The following STK24 variants were observed in gnomAD, a reference collection of about 807,000 sequenced individuals.
The protein encoded by STK24 is serine/threonine-protein kinase 24.
STK24 carries 21 observed loss-of-function variants against 55.6 expected under a neutral mutation model. The observed-to-expected ratio is 0.38, with a 90% CI of 0.27 to 0.54. The LOEUF (loss-of-function observed/expected upper bound fraction) is 0.54. STK24 is among the 20% of genes least tolerant of loss of function. The pLI is 0.79. For missense variants in STK24, 383 were observed against 538.4 expected (o/e 0.71, Z 2.86); for synonymous variants, 200 against 215.2 (o/e 0.93, Z 0.62).
At chr13:98,472,263 C>A (rs372079974) in intron 5 of STK24, among the ~76,000 whole-genome samples, 4 of 152,348 alleles carry the variant, frequency 2.6e-5, no homozygotes. Flanking sequence ...TCACCACACG[C>A]CTCCCGGGTC....
At chr13:98,562,232 G>C (rs1160736142) in intron 1 of STK24, among the ~76,000 whole-genome samples, 8 of 152,208 alleles carry the variant, frequency 5.3e-5, no homozygotes, top group African/African-American at 1.9e-4. Context: ...TGGGATTCTA[G>C]ATGCTTTTGC....
In STK24 at chr13:98,463,711, C is replaced by G. The variant is rs55640122; in HGVS notation, c.909G>C (p.Ser303=). 472 of 1,613,898 alleles carry G rather than the reference C, an allele frequency of 2.9e-4. No homozygotes were observed. Among genetic ancestry groups the G allele is most frequent in the Middle Eastern group, 1.5e-3 (9 of 6,062 alleles). ...CTTACGCGTCGGAATCCTCGGAGCT[C>G]GAGTCGTCATGGCTCTGCTCGGCCT... is the stretch of plus-strand genomic sequence containing the variant. The part of the protein sequence containing the change: ...RWKAEQSHDD[S]SSEDSDAETD... The change falls in exon 7 of 11, where the codon TCG becomes TCC. Residue 303 remains serine, a synonymous_variant. Coordinates refer to ENST00000539966, the MANE Select transcript of STK24 (RefSeq NM_001032296.4).
chr13:98,537,219 C>CT (rs1278507427), intron 1 of STK24, among the ~76,000 whole-genome samples: 1 of 152,214 alleles, frequency 6.6e-6, no homozygotes, highest in Non-Finnish European at 1.5e-5. Flanking sequence ...CCTCAGAGGG[C>CT]TCCCATCAGG....
At position 98,460,435 on chromosome 13, in the gene STK24, T is replaced by C. The variant is rs748324090; in HGVS notation, c.1059A>G (p.Lys353=). 3.9e-5 allele frequency: 63 copies of C among 1,613,010 alleles called. 1 individual carries two copies. The Middle Eastern group carries it at 4.9e-4, about 13-fold the overall frequency. ...GAGAGAAAGGCCTCTTCGGGATGTC[T>C]TTCATCTTGGGGGAGAGGGAAAAAA... ...QPSDLDRNKM[K]DIPKRPFSQC... Residue 353 remains lysine (K), a synonymous_variant, in exon 9 of 11, where the codon AAA becomes AAG. Coordinates refer to ENST00000539966, the MANE Select transcript of STK24 (RefSeq NM_001032296.4).
chr13:98,543,843 C>T (rs1319974119), intron 1 of STK24, among the ~76,000 whole-genome samples: 2 of 152,162 alleles, frequency 1.3e-5, no homozygotes, highest in Non-Finnish European at 2.9e-5. Context: ...ACTCAGTATC[C>T]GGCAGACTCG....
At chr13:98,458,810 G>A (rs984275802) in intron 9 of STK24, among the ~76,000 whole-genome samples, 6 of 152,186 alleles carry the variant, frequency 3.9e-5, no homozygotes, top group African/African-American at 1.2e-4. Context: ...AAGCAGGGAC[G>A]CCAACACCCG....
rs138458481 is a variant in STK24 at position 98,477,019 on chromosome 13, C to T, written c.331-1661G>A. On this transcript the variant is annotated intron_variant, in intron 3 of 10. Transcript: ENST00000539966. ...ATCTCCATCGCCTGCCAGAAATTGT[C>T]CCAAATTCCAATTAAGATATTGTCC... 7.9e-3 allele frequency among the ~76,000 whole-genome samples: 1,200 copies of T among 152,314 alleles called. 17 individuals are homozygous for T. The highest frequency in any genetic ancestry group is 0.027 in the African/African-American group (1,124 of 41,566).
intron 2 of STK24, among the ~76,000 whole-genome samples, chr13:98,500,529 C>T (rs1050719030): frequency 6.6e-6 from 1 of 152,168 alleles, no homozygotes; most frequent in African/African-American, 2.4e-5. Flanking sequence ...AAACCTGATG[C>T]GTCCAAACTC....
chr13:98,557,905 A>G (rs1008423000), intron 1 of STK24, among the ~76,000 whole-genome samples: 4 of 152,134 alleles, frequency 2.6e-5, no homozygotes, highest in Non-Finnish European at 4.4e-5. Flanking sequence ...TGAACATTCT[A>G]ATCTGTCTGG....
intron 2 of STK24, among the ~76,000 whole-genome samples, chr13:98,498,951 C>T (rs1895345349): frequency 2.0e-5 from 3 of 151,688 alleles, no homozygotes; most frequent in Non-Finnish European, 2.9e-5. Context: ...TCAACGGTTC[C>T]TTTGAAAACA....
rs1484744742 is a variant in STK24, at chr13:98,576,324, G to T, written c.42+421C>A. On this transcript the variant is annotated intron_variant, in intron 1 of 10. Coordinates refer to ENST00000539966, the MANE Select transcript of STK24 (RefSeq NM_001032296.4). ...CCGGGGGTGGGGGACGAGCCTGGGG[G>T]ACGCGTCCTGGGGCCCTCCGCCAAC... 18 of 703,058 alleles carry T rather than the reference G, an allele frequency of 2.6e-5. No homozygotes were observed. The Admixed American group carries it at 5.6e-4, about 22-fold the overall frequency. 43.6% of individuals were successfully genotyped at this position (703,058 alleles called of 1,614,324 possible).
chr13:98,448,292 G>A lies in STK24; in HGVS notation c.*4881C>T, dbSNP rs1594555217. ...TCTGCCTCGCGACCCCACGTGTTGAGTCACAAAGAGTCTCTTGTGTATTGA... is the reference window on the plus strand; with the variant it reads ...TCTGCCTCGCGACCCCACGTGTTGAATCACAAAGAGTCTCTTGTGTATTGA... On this transcript the variant is annotated 3_prime_UTR_variant, in exon 11 of 11. Coordinates refer to ENST00000539966, the MANE Select transcript of STK24 (RefSeq NM_001032296.4). 1.2e-6 allele frequency: 2 copies of A among 1,614,052 alleles called. No homozygotes were observed. Among genetic ancestry groups the A allele is most frequent in the East Asian group, 2.2e-5 (1 of 44,886 alleles).
At chr13:98,560,708 G>A (rs1319534847) in intron 1 of STK24, among the ~76,000 whole-genome samples, 5 of 151,886 alleles carry the variant, frequency 3.3e-5, no homozygotes, top group Admixed American at 2.6e-4. Context: ...GTGAAACCCC[G>A]TCTCTAGTAA....
intron 3 of STK24, among the ~76,000 whole-genome samples, chr13:98,477,525 A>G (rs1034038464): frequency 5.3e-5 from 8 of 152,190 alleles, no homozygotes; most frequent in Admixed American, 2.0e-4. Context: ...ACACAGAAAA[A>G]TTAGCCGGGC....
chr13:98,524,596 C>T (rs1896368763), intron 1 of STK24, among the ~76,000 whole-genome samples: 1 of 152,218 alleles, frequency 6.6e-6, no homozygotes, highest in African/African-American at 2.4e-5. Context: ...CACCCATTCA[C>T]CCCAAGGAAT....
intron 1 of STK24, among the ~76,000 whole-genome samples, chr13:98,527,290 T>C (rs1377527485): frequency 6.6e-6 from 1 of 152,064 alleles, no homozygotes; most frequent in Non-Finnish European, 1.5e-5. Flanking sequence ...GGCAACAAAG[T>C]GAGACCTCAG....
chr13:98,558,940 G>A (rs1304803710), intron 1 of STK24, among the ~76,000 whole-genome samples: 3 of 148,972 alleles, frequency 2.0e-5, no homozygotes, highest in African/African-American at 5.0e-5. Flanking sequence ...TGAGGCAGGC[G>A]GATCACCTGA....
intron 1 of STK24, among the ~76,000 whole-genome samples, chr13:98,546,902 T>G (rs1044429622): frequency 1.2e-4 from 18 of 151,916 alleles, no homozygotes; most frequent in South Asian, 8.4e-4. Flanking sequence ...CTAATTGTTG[T>G]TTTTTTTTGT....
intron 2 of STK24, among the ~76,000 whole-genome samples, chr13:98,506,262 G>A (rs886676837): frequency 6.6e-5 from 10 of 152,198 alleles, no homozygotes; most frequent in African/African-American, 1.9e-4. Context: ...ACGTTCTCAC[G>A]GACCCTGTGC....
Sources: allele counts gnomAD v4.1 joint callset (sites outside exome capture counted in the v4.1 genomes callset), GRCh38; gene constraint gnomAD v4.1.1; transcripts MANE v1.5; gene names NCBI Gene and HGNC (gene_info 2026-07-23, HGNC 2026-07-21).